ZFAND4: variants seen among roughly 807,000 people sequenced by gnomAD.
ZFAND4 encodes the protein AN1-type zinc finger protein 4.
ZFAND4 carries 43 observed loss-of-function variants against 64.4 expected under a neutral mutation model. The observed-to-expected ratio is 0.67, with a 90% confidence interval of 0.52 to 0.86. The LOEUF (loss-of-function observed/expected upper bound fraction) is 0.86, where lower values mean the gene tolerates loss of function less well. Ranked by LOEUF, ZFAND4 falls within the 40% of genes least tolerant of loss-of-function variation. The pLI is 0.00. For missense variants in ZFAND4, 929 were observed against 859.8 expected, an observed-to-expected ratio of 1.08 and a Z score of -1.01; for synonymous variants, 296 against 305.7, an observed-to-expected ratio of 0.97 and a Z score of 0.33.
intron 6 of ZFAND4, among the ~76,000 whole-genome samples, chr10:45,629,676 C>T (rs897806468): frequency 1.3e-5 from 2 of 151,784 alleles, no homozygotes; most frequent in African/African-American, 2.4e-5. Context: ...GCCTAGAAAA[C>T]ATGAGAAAAA....
intron 1 of ZFAND4, among the ~76,000 whole-genome samples, chr10:45,671,892 T>TC (rs2049223135): frequency 6.6e-6 from 1 of 151,308 alleles, no homozygotes; most frequent in African/African-American, 2.4e-5. Context: ...AAAACACAAC[T>TC]CCAAGGATGA....
chr10:45,640,583 C>G (rs968131734), intron 5 of ZFAND4, among the ~76,000 whole-genome samples: 23 of 152,186 alleles, frequency 1.5e-4, no homozygotes, highest in African/African-American at 5.1e-4. Flanking sequence ...CTCTGCCTCC[C>G]GGGTTCAAGC....
intron 5 of ZFAND4, among the ~76,000 whole-genome samples, chr10:45,642,385 A>T (rs971887656): frequency 3.9e-5 from 6 of 152,086 alleles, no homozygotes; most frequent in African/African-American, 1.4e-4. Context: ...AGGCGGGTGG[A>T]TCACGAGGTC....
chr10:45,627,127 T>C (rs750786904), intron 6 of ZFAND4, 22 bp from the exon 7 acceptor site: 1 of 1,513,348 alleles, frequency 6.6e-7, no homozygotes, highest in South Asian at 1.4e-5. Flanking sequence ...GAATATACAG[T>C]TTCTTTACAC....
At chr10:45,667,828 AGTG>A (rs1053162891) in intron 1 of ZFAND4, among the ~76,000 whole-genome samples, 1 of 152,168 alleles carries the variant, frequency 6.6e-6, no homozygotes, top group Non-Finnish European at 1.5e-5. Context: ...ATTGAATAAA[AGTG>A]GTGAGACTGG....
At chr10:45,635,525 TGAA>T (rs202221892) in intron 6 of ZFAND4, among the ~76,000 whole-genome samples, 9,090 of 152,184 alleles carry the variant, frequency 0.06, 393 homozygotes, top group African/African-American at 0.12. Context: ...CAAATCTAAA[TGAA>T]CTAAAGACTT....
intron 2 of ZFAND4, among the ~76,000 whole-genome samples, chr10:45,654,906 G>C (rs965025883): frequency 6.6e-6 from 1 of 152,066 alleles, no homozygotes; most frequent in African/African-American, 2.4e-5. Context: ...ATAATAGTGG[G>C]GGACTTTAAC....
At chr10:45,653,306 G>A (rs1051449447) in intron 2 of ZFAND4, among the ~76,000 whole-genome samples, 10 of 152,082 alleles carry the variant, frequency 6.6e-5, no homozygotes, top group African/African-American at 2.2e-4. Flanking sequence ...CTAAAACAAG[G>A]TATAAGATAG....
intron 2 of ZFAND4, among the ~76,000 whole-genome samples, chr10:45,660,275 C>T (rs186123690): frequency 3.3e-5 from 5 of 151,928 alleles, no homozygotes; most frequent in Admixed American, 1.3e-4. Flanking sequence ...TATTTGAGTC[C>T]AGGAGGTCGA....
intron 6 of ZFAND4, among the ~76,000 whole-genome samples, chr10:45,634,381 G>C (rs1257128613): frequency 6.6e-6 from 1 of 151,902 alleles, no homozygotes; most frequent in Non-Finnish European, 1.5e-5. Context: ...AAATTAGTTG[G>C]GCATGGTGGC....
chr10:45,642,961 A>T (rs901893933), intron 5 of ZFAND4, among the ~76,000 whole-genome samples: 5 of 117,928 alleles, frequency 4.2e-5, no homozygotes, highest in African/African-American at 1.7e-4. Context: ...CTTGTTGCCC[A>T]GGCTGGAGTG....
chr10:45,631,265 C>A (rs1183457063), intron 6 of ZFAND4, among the ~76,000 whole-genome samples: 2 of 146,404 alleles, frequency 1.4e-5, no homozygotes, highest in Non-Finnish European at 3.0e-5. Context: ...TGCAGTGCGC[C>A]GAGATCATGC....
At chr10:45,670,508 G>A (rs529735583) in intron 1 of ZFAND4, among the ~76,000 whole-genome samples, 1 of 152,282 alleles carries the variant, frequency 6.6e-6, no homozygotes, top group East Asian at 1.9e-4. Context: ...CCAAAGTGCT[G>A]GGATTACAGG....
chr10:45,624,308 C>T (rs1318501652), intron 8 of ZFAND4, among the ~76,000 whole-genome samples: 1 of 152,236 alleles, frequency 6.6e-6, no homozygotes, highest in Non-Finnish European at 1.5e-5. Context: ...TTGGGAACTA[C>T]ATGTTCATTC....
At chr10:45,623,412 G>A (rs1368149564) in intron 8 of ZFAND4, among the ~76,000 whole-genome samples, 1 of 152,170 alleles carries the variant, frequency 6.6e-6, no homozygotes, top group Non-Finnish European at 1.5e-5. Context: ...TATGGTGTGT[G>A]TGTATGTGTA....
In ZFAND4 at chr10:45,616,377, C is replaced by T. The variant is rs563221372; in HGVS notation, c.*59G>A. On this transcript the variant is annotated 3_prime_UTR_variant, in exon 10 of 10. Coordinates refer to ENST00000344646, the MANE Select transcript of ZFAND4 (RefSeq NM_174890.4). The stretch of plus-strand genomic sequence containing the variant: ...CGAACAAAAATAATAGTCTAAACAA[C>T]ATTTCTTCTGTCATTATAATACGAA... The T allele has an allele frequency of 1.9e-6, 3 of 1,587,024 alleles. No homozygotes were observed. The highest frequency in any genetic ancestry group is 2.3e-5 in the South Asian group (2 of 86,586).
chr10:45,644,851 C>T (rs1404162292), intron 5 of ZFAND4, among the ~76,000 whole-genome samples: 2 of 151,644 alleles, frequency 1.3e-5, no homozygotes, highest in Non-Finnish European at 2.9e-5. Flanking sequence ...AGAATATTTT[C>T]AAATAAATTG....
At chr10:45,642,573 A>G (rs919168172) in intron 5 of ZFAND4, among the ~76,000 whole-genome samples, 3 of 147,158 alleles carry the variant, frequency 2.0e-5, no homozygotes, top group African/African-American at 7.6e-5. Context: ...ACACCAGTGC[A>G]CTCCAGCCTG....
Position 45,639,961 on chromosome 10 carries a change from C to T in ZFAND4, c.572G>A (p.Gly191Asp). 5.6e-6 allele frequency: 9 copies of T among 1,602,268 alleles called. No individual in the cohort carries two copies. The highest frequency in any genetic ancestry group is 7.6e-6 in the Non-Finnish European group (9 of 1,177,258). Residue 191 changes from glycine to aspartate, a missense_variant and splice_region_variant, in exon 6 of 10, where the codon GGT becomes GAT. Coordinates refer to ENST00000344646, the MANE Select transcript of ZFAND4 (RefSeq NM_174890.4). Reference protein sequence around the residue: ...LRRKGEHRMSGGSMYNSDTDE... With the variant: ...LRRKGEHRMSDGSMYNSDTDE... Reference sequence around the variant, plus strand: ...TGTATCTGAATTATACATAGAACCACCACTGCAAAGAAAACAATAACTACT... The same window carrying T: ...TGTATCTGAATTATACATAGAACCATCACTGCAAAGAAAACAATAACTACT...
Sources: gnomAD v4.1 joint callset for allele counts (sites outside exome capture counted in the v4.1 genomes callset) on GRCh38, gnomAD v4.1.1 for gene constraint, MANE v1.5 for transcripts, NCBI Gene and HGNC (gene_info 2026-07-23, HGNC 2026-07-21) for gene names.